DAB2: variants seen among roughly 807,000 people sequenced by gnomAD.
The protein encoded by DAB2 is disabled homolog 2.
A neutral mutation model predicts 71.6 loss-of-function variants in DAB2; 28 were observed. The observed-to-expected ratio is 0.39, with a 90% CI of 0.29 to 0.54. The LOEUF is 0.54. Ranked by LOEUF, DAB2 falls within the 20% of genes least tolerant of loss-of-function variation. The pLI, the probability that DAB2 is intolerant of heterozygous loss-of-function variation, is 0.68. For synonymous variants in DAB2, 345 were observed against 339.7 expected (o/e 1.02, Z -0.17); for missense variants, 867 against 928.8 (o/e 0.93, Z 0.86).
Position 39,394,354 on chromosome 5 carries a change from T to A in DAB2, c.-34A>T. The A allele has an allele frequency of 2.0e-6, 3 of 1,522,462 alleles. No homozygotes were observed. Among genetic ancestry groups the A allele is most frequent in the Non-Finnish European group, 2.7e-6 (3 of 1,096,742 alleles). 94.3% of individuals were successfully genotyped at this position (1,522,462 alleles called of 1,614,324 possible). On this transcript the variant is annotated 5_prime_UTR_variant, in exon 2 of 15. Coordinates refer to ENST00000320816, the MANE Select transcript of DAB2 (RefSeq NM_001343.4). ...GGCAGGCAGCAAACCTCAGTACCAGTGGACACTTGGTGACACCAGGCGATC... is the reference window on the plus strand; with the variant it reads ...GGCAGGCAGCAAACCTCAGTACCAGAGGACACTTGGTGACACCAGGCGATC...
At chr5:39,379,943 G>A (rs1039790789) in intron 11 of DAB2, among the ~76,000 whole-genome samples, 14 of 152,188 alleles carry the variant, frequency 9.2e-5, no homozygotes, top group Admixed American at 4.6e-4. Flanking sequence ...GCTTCACTTC[G>A]TCTGAATAAA....
intron 11 of DAB2, 65 bp downstream of exon 11, chr5:39,381,389 G>A (rs1422843766): frequency 6.6e-6 from 10 of 1,508,288 alleles, no homozygotes; most frequent in Non-Finnish European, 8.2e-6. Context: ...AATCTCTTCC[G>A]ATGCATCATC....
intron 1 of DAB2, among the ~76,000 whole-genome samples, chr5:39,404,902 A>G (rs1026056625): frequency 2.6e-5 from 4 of 152,230 alleles, no homozygotes; most frequent in Non-Finnish European, 5.9e-5. Context: ...GTGCCACCCA[A>G]TTCACGGCAA....
At chr5:39,412,289 TTTG>T (rs1302401861) in intron 1 of DAB2, among the ~76,000 whole-genome samples, 2 of 152,142 alleles carry the variant, frequency 1.3e-5, no homozygotes, top group Admixed American at 6.5e-5. Context: ...GACAGCCTTT[TTTG>T]TTGTTGTTGT....
intron 13 of DAB2, among the ~76,000 whole-genome samples, chr5:39,375,616 G>A (rs1389309651): frequency 6.6e-6 from 1 of 152,030 alleles, no homozygotes; most frequent in South Asian, 2.1e-4. Flanking sequence ...CAGGTGCGGT[G>A]GCTCATGACT....
chr5:39,406,917 CT>C (rs1244878197), intron 1 of DAB2, among the ~76,000 whole-genome samples: 2 of 152,046 alleles, frequency 1.3e-5, no homozygotes, highest in African/African-American at 4.8e-5. Context: ...GGGGCAGTGA[CT>C]TGAAGAGAAG....
chr5:39,388,173 A>T (rs547536810), intron 9 of DAB2, 132 bp downstream of exon 9: 1 of 683,564 alleles, frequency 1.5e-6, no homozygotes, highest in East Asian at 2.5e-5. Context: ...TCTAAAAACC[A>T]TTGACACTTC....
chr5:39,401,719 C>G (rs1755501390), intron 1 of DAB2, among the ~76,000 whole-genome samples: 1 of 129,364 alleles, frequency 7.7e-6, no homozygotes. Flanking sequence ...TAAAGACATA[C>G]CTGAGACTGG....
At chr5:39,394,897 A>G (rs1390174076) in intron 1 of DAB2, among the ~76,000 whole-genome samples, 2 of 152,192 alleles carry the variant, frequency 1.3e-5, no homozygotes, top group Non-Finnish European at 2.9e-5. Context: ...CCTGTATCTT[A>G]TTCACATTGA....
chr5:39,424,370 C>T (rs924893463), intron 1 of DAB2, among the ~76,000 whole-genome samples: 1 of 151,906 alleles, frequency 6.6e-6, no homozygotes, highest in Non-Finnish European at 1.5e-5. Flanking sequence ...AAGCCAGGTC[C>T]CCAGCCTTTG....
At chr5:39,389,063 A>G (rs1755163733) in intron 7 of DAB2, 34 bp downstream of exon 7, 4 of 1,607,966 alleles carry the variant, frequency 2.5e-6, no homozygotes, top group Admixed American at 3.3e-5. Context: ...CATGTCACAC[A>G]CATGATTAAC....
At chr5:39,378,052 G>A (rs897884565) in intron 11 of DAB2, among the ~76,000 whole-genome samples, 2 of 152,212 alleles carry the variant, frequency 1.3e-5, no homozygotes, top group African/African-American at 2.4e-5. Flanking sequence ...AGTTAGAACA[G>A]AGAATTTAAA....
At chr5:39,418,974 T>C (rs1755910716) in intron 1 of DAB2, among the ~76,000 whole-genome samples, 1 of 152,230 alleles carries the variant, frequency 6.6e-6, no homozygotes. Flanking sequence ...AGCTAGGCTG[T>C]GGGCACAGTC....
intron 1 of DAB2, among the ~76,000 whole-genome samples, chr5:39,419,728 T>G (rs985729075): frequency 6.6e-6 from 1 of 152,146 alleles, no homozygotes; most frequent in African/African-American, 2.4e-5. Flanking sequence ...TGAAGATTAA[T>G]TATACTCTTT....
chr5:39,391,926 C>T (rs1404149939), intron 4 of DAB2, among the ~76,000 whole-genome samples: 5 of 144,956 alleles, frequency 3.4e-5, no homozygotes, highest in African/African-American at 1.0e-4. Flanking sequence ...GTGTCACAAA[C>T]TAGGGGTTAA....
At chr5:39,406,417 T>C (rs925392568) in intron 1 of DAB2, among the ~76,000 whole-genome samples, 4 of 152,112 alleles carry the variant, frequency 2.6e-5, no homozygotes, top group African/African-American at 9.7e-5. Context: ...CCTGCCCCGC[T>C]CACCAGAGCA....
At position 39,382,968 on chromosome 5, in the gene DAB2, G is replaced by T; in HGVS notation, c.991C>A (p.Leu331Met). ...KENSSSSSTP[L>M]SNGPLNGDVD... ...TCACCATTCAGGGGCCCATTACTCAGCGGAGTAGACGAGCTACTCGAATTC... is the reference window on the plus strand; with the variant it reads ...TCACCATTCAGGGGCCCATTACTCATCGGAGTAGACGAGCTACTCGAATTC... The change falls in exon 10 of 15, where the codon CTG becomes ATG. Residue 331 changes from leucine to methionine, a missense_variant. Leu to Met is a conservative substitution (Grantham distance 15). Around this residue, in one of 2 missense-constraint regions of DAB2, gnomAD observed 740 missense variants for 734.3 expected, o/e 1.01. Transcript: ENST00000320816. 1 of 1,614,124 alleles carries T rather than the reference G, an allele frequency of 6.2e-7. No individual in the cohort carries two copies. The highest frequency in any genetic ancestry group is 2.2e-5 in the East Asian group (1 of 44,870).
chr5:39,410,887 C>G (rs899403750), intron 1 of DAB2, among the ~76,000 whole-genome samples: 1 of 151,948 alleles, frequency 6.6e-6, no homozygotes, highest in African/African-American at 2.4e-5. Flanking sequence ...TTCCTTTTCA[C>G]TAAAATTTAT....
intron 1 of DAB2, among the ~76,000 whole-genome samples, chr5:39,404,473 AAAAG>A (rs1427457168): frequency 4.0e-5 from 6 of 149,948 alleles, no homozygotes; most frequent in Admixed American, 3.3e-4. Flanking sequence ...AAAAAAAAAA[AAAAG>A]AAAGAAACAG....
Sources: gnomAD v4.1 joint callset for allele counts (sites outside exome capture counted in the v4.1 genomes callset) on GRCh38, gnomAD v4.1.1 for gene constraint, gnomAD v4.1.1 regional missense constraint, MANE v1.5 for transcripts, NCBI Gene and HGNC (gene_info 2026-07-23, HGNC 2026-07-21) for gene names.